The following ACADM variants were observed in gnomAD, a reference collection of about 807,000 sequenced individuals.
ACADM encodes the protein medium-chain specific acyl-CoA dehydrogenase, mitochondrial.
In ACADM, 49 loss-of-function variants were observed where a neutral mutation model predicts 58.9. That is an observed-to-expected ratio of 0.83 (90% CI 0.66 to 1.06). The LOEUF (loss-of-function observed/expected upper bound fraction) is 1.06, where lower values mean the gene tolerates loss of function less well. Ranked by LOEUF, ACADM falls within the 50% of genes least tolerant of loss-of-function variation. The probability of loss-of-function intolerance (pLI) is 0.00; values close to 1 mark genes in which losing one functional copy is unlikely to be tolerated. For missense variants in ACADM, 496 were observed against 507.0 expected, an observed-to-expected ratio of 0.98 and a Z score of 0.21; for synonymous variants, 160 against 157.7, an observed-to-expected ratio of 1.01 and a Z score of -0.11.
chr1:75,733,391 A>G (rs112767726), intron 4 of ACADM, 137 bp from the exon 5 acceptor site: 2 of 992,508 alleles, frequency 2.0e-6, no homozygotes, highest in Non-Finnish European at 3.0e-6. Context: ...GCCAGCCAGA[A>G]CACATGTAGA....
intron 2 of ACADM, among the ~76,000 whole-genome samples, chr1:75,732,034 C>T (rs1647156904): frequency 6.6e-6 from 1 of 152,018 alleles, no homozygotes; most frequent in African/African-American, 2.4e-5. Context: ...TGCCTGTGAT[C>T]CCAGCTAGTT....
chr1:75,726,824 A>C lies in ACADM; in HGVS notation c.31-1577A>C, dbSNP rs552750932. On this transcript the variant is annotated intron_variant, in intron 1 of 11. Coordinates refer to ENST00000370841, the MANE Select transcript of ACADM (RefSeq NM_000016.6). The stretch of plus-strand genomic sequence containing the variant: ...ACTTTTTTTTTTTTTTTTTTTTTTG[A>C]GACGGAGTCTTGCTCTGTCACCCAG... Among the ~76,000 whole-genome samples the C allele has an allele frequency of 2.1e-4, 22 of 102,612 alleles. No individual in the cohort carries two copies. In the Admixed American group the frequency reaches 2.2e-3, roughly 10 times the overall value. The allele number at this position is 102,612 out of a possible 152,430, so 67.3% of individuals were successfully genotyped here.
intron 7 of ACADM, chr1:75,743,402 G>T: frequency 6.2e-7 from 1 of 1,606,624 alleles, no homozygotes. Flanking sequence ...CAATTTGTAG[G>T]GTGTGTGGGT....
chr1:75,726,067 A>G (rs1035194267), intron 1 of ACADM, among the ~76,000 whole-genome samples: 1 of 152,232 alleles, frequency 6.6e-6, no homozygotes, highest in African/African-American at 2.4e-5. Flanking sequence ...TCTATGTAAC[A>G]TATTTTCCTG....
chr1:75,733,563 AT>A lies in ACADM; in HGVS notation c.324del (p.Ser109ValfsTer41). On this transcript the variant is annotated frameshift_variant, in exon 5 of 12. Transcript: ENST00000370841. LOFTEE classifies it high-confidence loss of function. The stretch of plus-strand genomic sequence containing the variant: ...ACTTGGAACTTTTGATGCTTGTTTA[AT>A]TAGTGAAGAATTGGCTTATGGATGT... ...LGLGTFDACL[I>X]SEELAYGCTG... is the part of the protein sequence containing the mutation. The A allele has an allele frequency of 6.2e-7, 1 of 1,614,112 alleles. No individual in the cohort carries two copies. The highest frequency in any genetic ancestry group is 8.5e-7 in the Non-Finnish European group (1 of 1,179,980).
At position 75,734,872 on chromosome 1, in the gene ACADM, G is replaced by A. The variant is rs776498263; in HGVS notation, c.468+1G>A. The A allele has an allele frequency of 6.2e-7, 1 of 1,609,926 alleles. No individual in the cohort carries two copies. The highest frequency in any genetic ancestry group is 8.5e-7 in the Non-Finnish European group (1 of 1,176,306). On this transcript the variant is annotated splice_donor_variant, in intron 6 of 11. Transcript: ENST00000370841. LOFTEE classifies it high-confidence loss of function. Reference sequence around the variant, plus strand: ...AATGACTGAGGAGCCATTGATGTGTGTGAGTATGTGTAACTGCCGCTTTAT... The same window carrying A: ...AATGACTGAGGAGCCATTGATGTGTATGAGTATGTGTAACTGCCGCTTTAT...
intron 2 of ACADM, among the ~76,000 whole-genome samples, chr1:75,732,058 G>A (rs1375533336): frequency 6.6e-6 from 1 of 152,030 alleles, no homozygotes. Context: ...AAGCTGTGGT[G>A]GGAAGATCAT....
chr1:75,758,602 T>A (rs1046442128), intron 10 of ACADM, among the ~76,000 whole-genome samples: 1 of 150,638 alleles, frequency 6.6e-6, no homozygotes, highest in East Asian at 2.1e-4. Flanking sequence ...ATCAGCACTC[T>A]GTAAAAATGC....
intron 2 of ACADM, among the ~76,000 whole-genome samples, chr1:75,730,895 TAGAG>T (rs780529511): frequency 1.1e-3 from 168 of 152,236 alleles, no homozygotes; most frequent in Middle Eastern, 3.4e-3. Flanking sequence ...AAAGCTGTGA[TAGAG>T]AGAACACTGG....
intron 7 of ACADM, among the ~76,000 whole-genome samples, chr1:75,740,322 G>A (rs1056812070): frequency 1.3e-5 from 2 of 152,148 alleles, no homozygotes; most frequent in Non-Finnish European, 2.9e-5. Context: ...AGTTTAATGT[G>A]TAAAATAAAA....
intron 10 of ACADM, among the ~76,000 whole-genome samples, chr1:75,758,072 A>G (rs1557464114): frequency 1.3e-5 from 2 of 151,654 alleles, no homozygotes. Context: ...TTTAATTATT[A>G]TTTTTTTCAT....
chr1:75,743,673 G>A, intron 7 of ACADM: 1 of 1,464,340 alleles, frequency 6.8e-7, no homozygotes. Flanking sequence ...TAATGGTGAA[G>A]GTACCACCAT....
chr1:75,744,097 C>T, intron 7 of ACADM: 3 of 1,588,884 alleles, frequency 1.9e-6, no homozygotes, highest in Non-Finnish European at 2.6e-6. Context: ...GCATCCTGTT[C>T]ATTTTCTCCT....
chr1:75,760,066 G>T (rs1570908009), intron 10 of ACADM, among the ~76,000 whole-genome samples: 1 of 151,658 alleles, frequency 6.6e-6, no homozygotes, highest in Admixed American at 6.6e-5. Context: ...GAGCCCAGGA[G>T]TTTGAGAACA....
At chr1:75,731,249 A>G (rs995554718) in intron 2 of ACADM, among the ~76,000 whole-genome samples, 1 of 129,410 alleles carries the variant, frequency 7.7e-6, no homozygotes, top group African/African-American at 2.9e-5. Flanking sequence ...ACTGCACTCC[A>G]GTCTGGGCGA....
At chr1:75,758,907 T>C (rs1648666582) in intron 10 of ACADM, among the ~76,000 whole-genome samples, 1 of 152,250 alleles carries the variant, frequency 6.6e-6, no homozygotes, top group Admixed American at 6.5e-5. Context: ...GGCAACCTGC[T>C]TTGGTCCCTT....
Position 75,749,446 on chromosome 1 carries a change from G to A in ACADM, c.736G>A (p.Asp246Asn). Residue 246 changes from aspartate to asparagine, a missense_variant, in exon 9 of 12, where the codon GAT becomes AAT. By Grantham distance (23) the Asp-to-Asn change is conservative (BLOSUM62 1). Transcript: ENST00000370841. The part of the protein sequence containing the change: ...KELNMGQRCS[D>N]TRGIVFEDVK... ...ATTAAACATGGGCCAGCGATGTTCA[G>A]ATACTAGAGGAATTGTCTTCGAAGA... 1.9e-6 allele frequency: 3 copies of A among 1,614,036 alleles called. No individual in the cohort carries two copies. Among genetic ancestry groups the A allele is most frequent in the Non-Finnish European group, 2.5e-6 (3 of 1,179,954 alleles).
In ACADM at chr1:75,732,637, C is replaced by T; in HGVS notation, c.119-7C>T. On this transcript the variant is annotated splice_region_variant and splice_polypyrimidine_tract_variant and intron_variant, in intron 2 of 11. Transcript: ENST00000370841. ...AGTTTTAACTTTTCTAAATAATTTT[C>T]CCTTAGAGTTCACCGAACAGCAGAA... 6.2e-7 allele frequency: 1 copy of T among 1,609,126 alleles called. No homozygotes were observed. The highest frequency in any genetic ancestry group is 8.5e-7 in the Non-Finnish European group (1 of 1,175,528).
At position 75,761,158 on chromosome 1, in the gene ACADM, A is replaced by G. The variant is rs1648825926; in HGVS notation, c.982A>G (p.Met328Val). 2 of 1,614,094 alleles carry G rather than the reference A, an allele frequency of 1.2e-6. No homozygotes were observed. The highest frequency in any genetic ancestry group is 1.7e-6 in the Non-Finnish European group (2 of 1,179,932). Residue 328 changes from methionine (M) to valine (V), a missense_variant, in exon 11 of 12, where the codon ATG becomes GTG. Physicochemically the swap from Met to Val is conservative, Grantham distance 21. Transcript: ENST00000370841. ...AISFMLAEMAMKVELARMSYQ... is the reference protein window; with the variant it reads ...AISFMLAEMAVKVELARMSYQ... ...ATCATTTATGCTGGCTGAAATGGCA[A>G]TGAAAGTTGAACTAGCTAGAATGAG...
Sources: allele counts gnomAD v4.1 joint callset (sites outside exome capture counted in the v4.1 genomes callset), GRCh38; gene constraint gnomAD v4.1.1; transcripts MANE v1.5; gene names NCBI Gene and HGNC (gene_info 2026-07-23, HGNC 2026-07-21).